Variants in CLSTN1 observed in about 807,000 individuals in gnomAD.
The protein encoded by CLSTN1 is calsyntenin 1.
Under a neutral mutation model 108.3 loss-of-function variants are expected in CLSTN1, and 28 were observed. The observed-to-expected ratio is 0.26, with a 90% CI of 0.19 to 0.35. The LOEUF (loss-of-function observed/expected upper bound fraction) is 0.35. CLSTN1 is among the 10% of genes least tolerant of loss of function. The probability of loss-of-function intolerance (pLI) is 1.00; values close to 1 mark genes in which losing one functional copy is unlikely to be tolerated. For missense variants in CLSTN1, 1,157 were observed against 1,302.6 expected (o/e 0.89, Z 1.72); for synonymous variants, 524 against 534.9 (o/e 0.98, Z 0.28).
intron 7 of CLSTN1, among the ~76,000 whole-genome samples, chr1:9,746,447 G>A (rs1651270601): frequency 6.6e-6 from 1 of 152,210 alleles, no homozygotes; most frequent in Non-Finnish European, 1.5e-5. Context: ...TAGACGTGGT[G>A]GCTTGCGCCT....
At chr1:9,745,399 G>A (rs571926148) in intron 7 of CLSTN1, among the ~76,000 whole-genome samples, 3 of 152,252 alleles carry the variant, frequency 2.0e-5, no homozygotes, top group East Asian at 1.9e-4. Context: ...GCTCACACCT[G>A]TAATCCCAGC....
chr1:9,804,340 C>A lies in CLSTN1; in HGVS notation c.91+19303G>T, dbSNP rs1469169338. Among the ~76,000 whole-genome samples the A allele has an allele frequency of 2.4e-5, 3 of 124,830 alleles. No individual in the cohort carries two copies. In the East Asian group the frequency reaches 7.0e-4, roughly 29 times the overall value. 81.9% of individuals were successfully genotyped at this position (124,830 alleles called of 152,430 possible). A position where few individuals can be genotyped will look rare whatever the true frequency, so the allele number is the denominator to read the frequency against. The stretch of plus-strand genomic sequence containing the variant: ...ATCATGCCACTGCACTCCAGCCTGG[C>A]GACAGAGAGAGACTCCATCTCAAAA... On this transcript the variant is annotated intron_variant, in intron 1 of 18. Coordinates refer to ENST00000377298, the MANE Select transcript of CLSTN1 (RefSeq NM_001009566.3).
chr1:9,791,032 C>G (rs371217254), intron 1 of CLSTN1, among the ~76,000 whole-genome samples: 1 of 149,256 alleles, frequency 6.7e-6, no homozygotes, highest in Non-Finnish European at 1.5e-5. Flanking sequence ...CTCGGGAGGC[C>G]GAGGCAGGAG....
intron 2 of CLSTN1, among the ~76,000 whole-genome samples, chr1:9,769,947 G>A (rs373492770): frequency 1.2e-3 from 183 of 151,426 alleles, no homozygotes; most frequent in African/African-American, 4.3e-3. Flanking sequence ...GGAGAATGGC[G>A]TGAACCCGGG....
rs1292790160 is a variant in CLSTN1, at chr1:9,743,909, G to A, written c.1331C>T (p.Ala444Val). 1 of 1,613,986 alleles carries A rather than the reference G, an allele frequency of 6.2e-7. No homozygotes were observed. Among genetic ancestry groups the A allele is most frequent in the East Asian group, 2.2e-5 (1 of 44,894 alleles). Reference sequence around the variant, plus strand: ...CTGATTCAACTTCCAGTGGAACTCTGCAGGTCTGTATTTCTTCTCCTCAGA... The same window carrying A: ...CTGATTCAACTTCCAGTGGAACTCTACAGGTCTGTATTTCTTCTCCTCAGA... ...DPSEEKKYRPAEFHWKLNQVC... is the reference protein window; with the variant it reads ...DPSEEKKYRPVEFHWKLNQVC... The change falls in exon 9 of 19, where the codon GCA (alanine) becomes GTA (valine). Residue 444 changes from alanine (A) to valine (V), a missense_variant. Coordinates refer to ENST00000377298, the MANE Select transcript of CLSTN1 (RefSeq NM_001009566.3).
At chr1:9,762,950 T>C (rs1384599469) in intron 2 of CLSTN1, among the ~76,000 whole-genome samples, 1 of 150,646 alleles carries the variant, frequency 6.6e-6, no homozygotes, top group Non-Finnish European at 1.5e-5. Context: ...CAGCAGTTTT[T>C]TCGGGGTACC....
intron 1 of CLSTN1, among the ~76,000 whole-genome samples, chr1:9,804,599 C>T (rs562155587): frequency 2.4e-4 from 37 of 152,242 alleles, no homozygotes; most frequent in African/African-American, 8.7e-4. Context: ...CATCCCAGCA[C>T]TTTAGGAGGC....
chr1:9,801,480 A>T (rs1385616852), intron 1 of CLSTN1, among the ~76,000 whole-genome samples: 1 of 152,234 alleles, frequency 6.6e-6, no homozygotes, highest in Non-Finnish European at 1.5e-5. Context: ...CAAACATTTA[A>T]GGAAGAAATT....
intron 10 of CLSTN1, among the ~76,000 whole-genome samples, chr1:9,739,206 C>T (rs1200316628): frequency 2.6e-5 from 4 of 152,162 alleles, no homozygotes; most frequent in Non-Finnish European, 5.9e-5. Context: ...CTACACACCA[C>T]AGCAGTTAGC....
At chr1:9,778,300 T>G (rs1166010330) in intron 1 of CLSTN1, among the ~76,000 whole-genome samples, 1 of 151,742 alleles carries the variant, frequency 6.6e-6, no homozygotes, top group Admixed American at 6.6e-5. Context: ...CTTTTCATTC[T>G]CTAATTCCCA....
chr1:9,779,071 C>T (rs550934463), intron 1 of CLSTN1, among the ~76,000 whole-genome samples: 59 of 151,268 alleles, frequency 3.9e-4, no homozygotes, highest in African/African-American at 1.3e-3. Context: ...GGCTATGGTA[C>T]GGCACCTTTC....
At chr1:9,807,023 T>C (rs899175000) in intron 1 of CLSTN1, among the ~76,000 whole-genome samples, 2 of 151,962 alleles carry the variant, frequency 1.3e-5, no homozygotes, top group Non-Finnish European at 2.9e-5. Context: ...GGGGGGGGTC[T>C]GGAGCAGCAT....
chr1:9,743,032 C>T (rs1050602353), intron 9 of CLSTN1, among the ~76,000 whole-genome samples: 1 of 152,136 alleles, frequency 6.6e-6, no homozygotes, highest in South Asian at 2.1e-4. Flanking sequence ...TTTTTAGACA[C>T]TATTATATTT....
In CLSTN1 at chr1:9,797,954, C is replaced by T. The variant is rs142057921; in HGVS notation, c.92-24560G>A. Among the ~76,000 whole-genome samples the T allele has an allele frequency of 3.5e-3, 535 of 151,704 alleles. 6 individuals are homozygous for T. Among genetic ancestry groups the T allele is most frequent in the African/African-American group, 0.012 (496 of 41,304 alleles). ...ACTAAAAATCCAAAAATTAGCCAGG[C>T]GTGGGGGTACATGCCTGTAATCCCA... On this transcript the variant is annotated intron_variant, in intron 1 of 18. Transcript: ENST00000377298.
At chr1:9,805,229 A>AG (rs1437411796) in intron 1 of CLSTN1, among the ~76,000 whole-genome samples, 1 of 152,220 alleles carries the variant, frequency 6.6e-6, no homozygotes, top group African/African-American at 2.4e-5. Flanking sequence ...GTAAATCACT[A>AG]GTAAGCTTTG....
At chr1:9,809,892 C>A (rs1157853180) in intron 1 of CLSTN1, among the ~76,000 whole-genome samples, 1 of 149,970 alleles carries the variant, frequency 6.7e-6, no homozygotes, top group East Asian at 2.0e-4. Flanking sequence ...AAGAGCAAAA[C>A]TCTGTCTCAA....
chr1:9,758,911 C>T (rs891656136), intron 2 of CLSTN1, among the ~76,000 whole-genome samples: 10 of 152,172 alleles, frequency 6.6e-5, no homozygotes, highest in East Asian at 3.8e-4. Context: ...AGCCTCTGTA[C>T]GCCTGTGCTG....
Position 9,737,996 on chromosome 1 carries a change from A to C in CLSTN1, c.1520-442T>G, listed in dbSNP as rs117908416. On this transcript the variant is annotated intron_variant, in intron 10 of 18. Transcript: ENST00000377298. Reference sequence around the variant, plus strand: ...TAGGGAAGACACTGCGCAGACAAAAAGGCATAGCACACACGTGTCCCAAGC... The same window carrying C: ...TAGGGAAGACACTGCGCAGACAAAACGGCATAGCACACACGTGTCCCAAGC... Among the ~76,000 whole-genome samples the C allele has an allele frequency of 4.3e-3, 659 of 152,352 alleles. 12 individuals carry two copies. The highest frequency in any genetic ancestry group is 0.043 in the East Asian group (221 of 5,190).
chr1:9,803,143 T>A (rs535105917), intron 1 of CLSTN1, among the ~76,000 whole-genome samples: 2 of 151,980 alleles, frequency 1.3e-5, no homozygotes, highest in Non-Finnish European at 2.9e-5. Context: ...AACATTCTAA[T>A]GCAAAAATAA....
Sources: allele counts gnomAD v4.1 joint callset (sites outside exome capture counted in the v4.1 genomes callset), GRCh38; gene constraint gnomAD v4.1.1; transcripts MANE v1.5; gene names NCBI Gene and HGNC (gene_info 2026-07-23, HGNC 2026-07-21).